Variants in DYTN observed in about 807,000 individuals in gnomAD.
DYTN encodes the protein dystrotelin.
DYTN carries 75 observed loss-of-function variants against 69.6 expected under a neutral mutation model. The ratio of observed to expected loss-of-function variants is 1.08; its 90% confidence interval spans 0.89 to 1.31. DYTN has a LOEUF of 1.31. Among genes scored for constraint, DYTN ranks in the 50% most tolerant of loss-of-function variants. DYTN has a pLI of 0.00. For missense variants in DYTN, 726 were observed against 688.4 expected (o/e 1.05, Z -0.61); for synonymous variants, 252 against 249.1 (o/e 1.01, Z -0.11).
At position 206,678,094 on chromosome 2, in the gene DYTN, A is replaced by G. The variant is rs368293533; in HGVS notation, c.981-12065T>C. ...AATAACTAGGAAGAAAGATTTCCCTAGTCAAAATATAAAAAGTTTAAATAC... is the reference window on the plus strand; with the variant it reads ...AATAACTAGGAAGAAAGATTTCCCTGGTCAAAATATAAAAAGTTTAAATAC... On this transcript the variant is annotated intron_variant, in intron 9 of 11. Transcript: ENST00000452335. Among the ~76,000 whole-genome samples the G allele has an allele frequency of 2.2e-4, 33 of 152,336 alleles. No individual in the cohort carries two copies. The South Asian group carries it at 5.8e-3, about 27-fold the overall frequency.
Position 206,704,933 on chromosome 2 carries a change from T to G in DYTN, c.393A>C (p.Gln131His). 4.3e-6 allele frequency: 7 copies of G among 1,613,430 alleles called. No individual in the cohort carries two copies. In the Admixed American group the frequency reaches 5.0e-5, roughly 12 times the overall value. The change falls in exon 5 of 12, where the codon CAA becomes CAC. Residue 131 changes from glutamine to histidine, a missense_variant. Physicochemically the swap from Gln to His is conservative, Grantham distance 24 (BLOSUM62 0). Coordinates refer to ENST00000452335, the MANE Select transcript of DYTN (RefSeq NM_001093730.1). ...SPLSKYRALF[Q>H]LYAENSRGGY... ...CTCCCCTGCTATTTTCTGCATAGAG[T>G]TGAAAAAGAGCTAGACATGTAGGAG...
chr2:206,659,164 CTTTTTTTTTTTTT>C, intron 11 of DYTN, among the ~76,000 whole-genome samples: 1 of 54,304 alleles, frequency 1.8e-5, no homozygotes, highest in South Asian at 1.1e-3. Flanking sequence ...CTCACAGTCT[CTTTTTTTTTTTTT>C]TTTTTTTTTT....
intron 9 of DYTN, among the ~76,000 whole-genome samples, chr2:206,678,298 C>T (rs1052835417): frequency 6.6e-6 from 1 of 152,186 alleles, no homozygotes. Flanking sequence ...TAAAACAAGG[C>T]GATAGTCAAT....
chr2:206,655,963 A>G (rs1301850522), intron 11 of DYTN, among the ~76,000 whole-genome samples: 1 of 152,176 alleles, frequency 6.6e-6, no homozygotes, highest in Non-Finnish European at 1.5e-5. Flanking sequence ...ATTCTGCACT[A>G]TTGGGTGAAA....
At chr2:206,717,634 A>C (rs1399012248) in intron 1 of DYTN, among the ~76,000 whole-genome samples, 1 of 152,250 alleles carries the variant, frequency 6.6e-6, no homozygotes, top group African/African-American at 2.4e-5. Context: ...GTAATCATTT[A>C]TAATGTTGTT....
chr2:206,661,282 A>G (rs1699508522), intron 11 of DYTN, among the ~76,000 whole-genome samples: 1 of 152,234 alleles, frequency 6.6e-6, no homozygotes, highest in African/African-American at 2.4e-5. Flanking sequence ...TAGCAGCCCC[A>G]GCAAACTAAT....
intron 5 of DYTN, among the ~76,000 whole-genome samples, chr2:206,704,041 T>C (rs1470952775): frequency 6.6e-6 from 1 of 152,212 alleles, no homozygotes; most frequent in Non-Finnish European, 1.5e-5. Flanking sequence ...AAATCAAATG[T>C]ACACATTCTT....
chr2:206,677,975 G>A (rs1042774983), intron 9 of DYTN, among the ~76,000 whole-genome samples: 2 of 151,338 alleles, frequency 1.3e-5, no homozygotes, highest in Admixed American at 1.3e-4. Context: ...GGGTGACAGA[G>A]CAAGACTCCA....
At chr2:206,716,559 A>C (rs1342843083) in intron 1 of DYTN, among the ~76,000 whole-genome samples, 1 of 152,146 alleles carries the variant, frequency 6.6e-6, no homozygotes, top group African/African-American at 2.4e-5. Flanking sequence ...TTTGTTATTC[A>C]TCATTTCCTT....
chr2:206,693,884 C>T (rs1289457478), intron 8 of DYTN, among the ~76,000 whole-genome samples: 1 of 152,136 alleles, frequency 6.6e-6, no homozygotes, highest in Non-Finnish European at 1.5e-5. Flanking sequence ...ATCAACAAAT[C>T]CAAGACTTTT....
chr2:206,656,636 T>C (rs1699452887), intron 11 of DYTN, among the ~76,000 whole-genome samples: 1 of 152,202 alleles, frequency 6.6e-6, no homozygotes, highest in South Asian at 2.1e-4. Flanking sequence ...GCTATTATAT[T>C]TGCACTTACT....
rs111521767 is a variant in DYTN, at chr2:206,700,271, C to T, written c.484-55G>A. On this transcript the variant is annotated intron_variant, in intron 5 of 11. Transcript: ENST00000452335. ...AGAAAGTGGAGAAATATGTCGTCTC[C>T]GGGAGCAGCAGGGCTGAGAGCTGGT... The T allele has an allele frequency of 4.9e-3, 7,823 of 1,602,772 alleles. 25 individuals carry two copies. The highest frequency in any genetic ancestry group is 0.012 in the African/African-American group (860 of 74,772).
chr2:206,688,200 C>T (rs1699832247), intron 9 of DYTN, among the ~76,000 whole-genome samples: 1 of 152,144 alleles, frequency 6.6e-6, no homozygotes, highest in Non-Finnish European at 1.5e-5. Flanking sequence ...CAATGCACAA[C>T]CTTGTTTTAT....
chr2:206,663,331 T>C lies in DYTN; in HGVS notation c.1205A>G (p.His402Arg), dbSNP rs774840562. Residue 402 changes from histidine to arginine, a missense_variant, in exon 11 of 12, where the codon CAT (histidine) becomes CGT (arginine). By Grantham distance (29) the His-to-Arg change is conservative. Coordinates refer to ENST00000452335, the MANE Select transcript of DYTN (RefSeq NM_001093730.1). ...SFQNVGNKVD[H>R]SSTEKVPKGG... is the part of the protein sequence containing the mutation. ...CTTTGGAACCTTTTCAGTTGAAGAATGGTCAACCTTGTTCCCCACATTTTG... is the reference window on the plus strand; with the variant it reads ...CTTTGGAACCTTTTCAGTTGAAGAACGGTCAACCTTGTTCCCCACATTTTG... 5.6e-6 allele frequency: 9 copies of C among 1,613,990 alleles called. No homozygotes were observed. In the South Asian group the frequency reaches 6.6e-5, roughly 12 times the overall value.
intron 2 of DYTN, among the ~76,000 whole-genome samples, chr2:206,707,780 T>C (rs1700041928): frequency 6.6e-6 from 1 of 152,118 alleles, no homozygotes; most frequent in African/African-American, 2.4e-5. Context: ...TGTTGTTTTA[T>C]AGAAAGAAGT....
chr2:206,704,964 A>C (rs1030282712), intron 4 of DYTN, 21 bp from the exon 5 acceptor site: 1 of 1,589,768 alleles, frequency 6.3e-7, no homozygotes, highest in African/African-American at 1.3e-5. Context: ...AGGAGGAACA[A>C]TCTTTAAATT....
chr2:206,697,582 A>C (rs1285492341), intron 7 of DYTN, among the ~76,000 whole-genome samples: 1 of 152,212 alleles, frequency 6.6e-6, no homozygotes, highest in Non-Finnish European at 1.5e-5. Context: ...TTTTAATAGA[A>C]TCCTAAGTTT....
At chr2:206,696,707 T>C (rs1699923283) in intron 7 of DYTN, among the ~76,000 whole-genome samples, 1 of 152,230 alleles carries the variant, frequency 6.6e-6, no homozygotes, top group Non-Finnish European at 1.5e-5. Context: ...TCTGAACTGA[T>C]GGCCTGCCAT....
At chr2:206,665,454 T>C (rs991395471) in intron 10 of DYTN, among the ~76,000 whole-genome samples, 1 of 151,682 alleles carries the variant, frequency 6.6e-6, no homozygotes, top group Non-Finnish European at 1.5e-5. Flanking sequence ...ATTTTATTAT[T>C]AATTTAATTT....
Sources: gnomAD v4.1 joint callset for allele counts (sites outside exome capture counted in the v4.1 genomes callset) on GRCh38, gnomAD v4.1.1 for gene constraint, MANE v1.5 for transcripts, NCBI Gene and HGNC (gene_info 2026-07-23, HGNC 2026-07-21) for gene names.